The following CLYBL variants were observed in gnomAD, a reference collection of about 807,000 sequenced individuals.
CLYBL encodes citramalyl-CoA lyase.
In CLYBL, 31 loss-of-function variants were observed where a neutral mutation model predicts 38.9. The ratio of observed to expected loss-of-function variants is 0.80; its 90% CI spans 0.60 to 1.08. CLYBL has a LOEUF of 1.08. CLYBL is among the 50% of genes least tolerant of loss of function. The pLI is 0.00. For synonymous variants in CLYBL, 171 were observed against 158.6 expected, an observed-to-expected ratio of 1.08 and a Z score of -0.59; for missense variants, 434 against 411.6, an observed-to-expected ratio of 1.05 and a Z score of -0.47.
intron 1 of CLYBL, among the ~76,000 whole-genome samples, chr13:99,687,114 A>G (rs1233696308): frequency 6.6e-6 from 1 of 152,178 alleles, no homozygotes; most frequent in Non-Finnish European, 1.5e-5. Flanking sequence ...TAGCTCCAAG[A>G]GGCTGTAGGT....
rs1054657410 is a variant in CLYBL at position 99,786,218 on chromosome 13, T to A, written c.249+13208T>A. ...AGCTTTCCTTTTTTTTTTTTTTTTT[T>A]AATTATACTTTAAGTTCTAGGATAC... On this transcript the variant is annotated intron_variant, in intron 2 of 8. Transcript: ENST00000339105. Among the ~76,000 whole-genome samples, 13 of 141,818 alleles carry A rather than the reference T, an allele frequency of 9.2e-5. No individual in the cohort carries two copies. In the South Asian group the frequency reaches 1.1e-3, roughly 12 times the overall value. 93.0% of individuals were successfully genotyped at this position (141,818 alleles called of 152,430 possible).
intron 1 of CLYBL, among the ~76,000 whole-genome samples, chr13:99,753,816 C>T (rs192976492): frequency 6.6e-6 from 1 of 151,854 alleles, no homozygotes; most frequent in Non-Finnish European, 1.5e-5. Context: ...TGGCCGGGCG[C>T]GGTGGCTCAT....
rs546237042 is a variant in CLYBL, at chr13:99,906,569, G to C, written c.*160+1164G>C. On this transcript the variant is annotated intron_variant and NMD_transcript_variant, in intron 9 of 9. Coordinates refer to the CLYBL transcript ENST00000689673. The stretch of plus-strand genomic sequence containing the variant: ...CTCCTGAGTAGCTGGGATTACAGGT[G>C]CCTGCCACCACACCCAGCTAATTTT... Among the ~76,000 whole-genome samples the C allele has an allele frequency of 2.6e-3, 395 of 152,094 alleles. No homozygotes were observed. The Middle Eastern group carries it at 0.031, about 12-fold the overall frequency.
chr13:99,787,442 C>T (rs777205518), intron 2 of CLYBL, among the ~76,000 whole-genome samples: 10 of 152,062 alleles, frequency 6.6e-5, no homozygotes, highest in Non-Finnish European at 1.2e-4. Context: ...CCCAGAACTA[C>T]TTATTAAATA....
rs373428784 is a variant in CLYBL, at chr13:99,851,196, T to C, written c.250-7665T>C. Among the ~76,000 whole-genome samples the C allele has an allele frequency of 1.3e-4, 19 of 151,994 alleles. No homozygotes were observed. In the East Asian group the frequency reaches 3.7e-3, roughly 30 times the overall value. ...CAGCCTGGCCAACATGGCGAAACCC[T>C]GCCTCTACTAAAAATACAAAATTAG... On this transcript the variant is annotated intron_variant, in intron 2 of 8. Coordinates refer to ENST00000339105, the MANE Select transcript of CLYBL (RefSeq NM_206808.5).
At position 99,683,233 on chromosome 13, in the gene CLYBL, C is replaced by G. The variant is rs182010559; in HGVS notation, c.62+76476C>G. The stretch of plus-strand genomic sequence containing the variant: ...AGTGGCTGGGCTTGCAGGTGCCCCC[C>G]CCTACACCAGGCTAATTTTTGTGTT... On this transcript the variant is annotated intron_variant, in intron 1 of 8. Coordinates refer to ENST00000339105, the MANE Select transcript of CLYBL (RefSeq NM_206808.5). 6.6e-5 allele frequency among the ~76,000 whole-genome samples: 10 copies of G among 151,170 alleles called. No individual in the cohort carries two copies. The East Asian group carries it at 1.6e-3, about 24-fold the overall frequency.
rs183749063 is a variant in CLYBL, at chr13:99,772,890, C to A, written c.129C>A (p.Ile43=). ...GYSSSSHHKY[I]PRRAVLYVPG... ...GTTCCTCATCCCATCACAAGTACAT[C>A]CCCCGGAGGGCAGTGCTTTATGTAC... The change falls in exon 2 of 9, where the codon ATC becomes ATA. Residue 43 remains isoleucine (I), a synonymous_variant. Transcript: ENST00000339105. 508 of 1,612,998 alleles carry A rather than the reference C, an allele frequency of 3.1e-4. 5 individuals carry two copies. In the Admixed American group the frequency reaches 7.8e-3, roughly 25 times the overall value.
intron 2 of CLYBL, among the ~76,000 whole-genome samples, chr13:99,857,472 CT>C (rs1404949228): frequency 3.3e-5 from 5 of 152,202 alleles, no homozygotes; most frequent in African/African-American, 1.2e-4. Flanking sequence ...TCTGAGCTCT[CT>C]CTTGCTTTTG....
chr13:99,637,388 G>A (rs1365362805), intron 1 of CLYBL, among the ~76,000 whole-genome samples: 1 of 152,182 alleles, frequency 6.6e-6, no homozygotes, highest in Non-Finnish European at 1.5e-5. Context: ...GTCAAATCCA[G>A]TCTTTCCAGC....
chr13:99,676,178 C>CTCCGTCCGTCCG (rs147767966), intron 1 of CLYBL, among the ~76,000 whole-genome samples: 36 of 136,700 alleles, frequency 2.6e-4, no homozygotes, highest in African/African-American at 6.6e-4. Flanking sequence ...CCTTCCTTCC[C>CTCCGTCCGTCCG]TCCGTCCGTC....
rs58271178 is a variant in CLYBL, at chr13:99,849,446, G to A, written c.250-9415G>A. 9.7e-3 allele frequency among the ~76,000 whole-genome samples: 1,480 copies of A among 152,324 alleles called. 25 individuals carry two copies. Among genetic ancestry groups the A allele is most frequent in the African/African-American group, 0.033 (1,371 of 41,562 alleles). On this transcript the variant is annotated intron_variant, in intron 2 of 8. Coordinates refer to ENST00000339105, the MANE Select transcript of CLYBL (RefSeq NM_206808.5). The surrounding 1 kb of genome is among the most constrained non-coding windows in gnomAD (Gnocchi z 4.9). Reference sequence around the variant, plus strand: ...GCGGATTGCTGGGGCCTAGGAGTTCGAGGCAGCAGTGAGCCATGATCCTGC... The same window carrying A: ...GCGGATTGCTGGGGCCTAGGAGTTCAAGGCAGCAGTGAGCCATGATCCTGC...
intron 1 of CLYBL, among the ~76,000 whole-genome samples, chr13:99,692,549 C>T (rs1265296027): frequency 6.6e-6 from 1 of 152,176 alleles, no homozygotes; most frequent in Non-Finnish European, 1.5e-5. Context: ...GCCTCACCCT[C>T]CCAAAGTGCT....
intron 1 of CLYBL, among the ~76,000 whole-genome samples, chr13:99,688,075 G>T (rs1485165563): frequency 6.6e-6 from 1 of 152,024 alleles, no homozygotes; most frequent in African/African-American, 2.4e-5. Flanking sequence ...TTGAAGCAAC[G>T]GTCTTTCCCT....
chr13:99,687,139 C>T lies in CLYBL; in HGVS notation c.62+80382C>T, dbSNP rs1385843360. On this transcript the variant is annotated intron_variant, in intron 1 of 8. Coordinates refer to ENST00000339105, the MANE Select transcript of CLYBL (RefSeq NM_206808.5). ...AGGCTGTAGGTCTCAGCATGGAGCA[C>T]TCCTCCTCAATCTCAATAGGCTGGT... Among the ~76,000 whole-genome samples the T allele has an allele frequency of 2.6e-5, 4 of 152,308 alleles. No individual in the cohort carries two copies. In the East Asian group the frequency reaches 5.8e-4, roughly 22 times the overall value.
chr13:99,862,852 A>T (rs1041311411), intron 3 of CLYBL, 139 bp from the exon 4 acceptor site: 6 of 431,590 alleles, frequency 1.4e-5, no homozygotes, highest in African/African-American at 2.1e-5. Flanking sequence ...TTATTTTTTT[A>T]AAAAAATTCT....
chr13:99,759,157 A>G (rs941880371), intron 1 of CLYBL, among the ~76,000 whole-genome samples: 1 of 152,238 alleles, frequency 6.6e-6, no homozygotes, highest in African/African-American at 2.4e-5. Context: ...CAGGTCACCC[A>G]TTGGTGCTTA....
At chr13:99,777,042 G>A (rs1324294683) in intron 2 of CLYBL, among the ~76,000 whole-genome samples, 1 of 151,940 alleles carries the variant, frequency 6.6e-6, no homozygotes, top group Non-Finnish European at 1.5e-5. Flanking sequence ...ACCGTGGCTG[G>A]CTAATTTTGT....
At chr13:99,804,202 G>A (rs1272346717) in intron 2 of CLYBL, among the ~76,000 whole-genome samples, 2 of 152,222 alleles carry the variant, frequency 1.3e-5, no homozygotes, top group African/African-American at 4.8e-5. Context: ...CAACAAAGCA[G>A]CTCCCCTTCC....
intron 1 of CLYBL, among the ~76,000 whole-genome samples, chr13:99,665,411 T>G (rs746133448): frequency 2.0e-5 from 3 of 152,060 alleles, no homozygotes; most frequent in Non-Finnish European, 4.4e-5. Context: ...TTTCATATTA[T>G]TTTCATAAAA....
Sources: gnomAD v4.1 joint callset for allele counts (sites outside exome capture counted in the v4.1 genomes callset) on GRCh38, gnomAD v4.1.1 for gene constraint, Gnocchi (gnomAD v3.1) non-coding constraint, MANE v1.5 for transcripts, NCBI Gene and HGNC (gene_info 2026-07-23, HGNC 2026-07-21) for gene names.